Variants in CNTN6 observed in about 807,000 individuals in gnomAD.
The protein encoded by CNTN6 is contactin 6.
CNTN6 carries 137 observed loss-of-function variants against 122.8 expected under a neutral mutation model. That is an observed-to-expected ratio of 1.12 (90% CI 0.97 to 1.29). The LOEUF is 1.29. Ranked by LOEUF, CNTN6 falls within the 50% of genes most tolerant of loss-of-function variation. The pLI, the probability that CNTN6 is intolerant of heterozygous loss-of-function variation, is 0.00. For missense variants in CNTN6, 1,634 were observed against 1,223.4 expected, an observed-to-expected ratio of 1.34 and a Z score of -5.01; for synonymous variants, 570 against 426.0, an observed-to-expected ratio of 1.34 and a Z score of -4.16.
At chr3:1,195,798 A>C (rs2093768713) in intron 2 of CNTN6, among the ~76,000 whole-genome samples, 1 of 152,048 alleles carries the variant, frequency 6.6e-6, no homozygotes, top group Non-Finnish European at 1.5e-5. Flanking sequence ...TACTATTCTC[A>C]CCTTTAGTAT....
At chr3:1,301,771 T>C (rs909680713) in intron 7 of CNTN6, among the ~76,000 whole-genome samples, 1 of 152,238 alleles carries the variant, frequency 6.6e-6, no homozygotes, top group Non-Finnish European at 1.5e-5. Flanking sequence ...TCTTACATTT[T>C]GTGTAGTTGG....
chr3:1,126,702 C>T (rs1414205839), intron 1 of CNTN6, among the ~76,000 whole-genome samples: 1 of 151,844 alleles, frequency 6.6e-6, no homozygotes, highest in African/African-American at 2.4e-5. Context: ...TTCTTGGCTG[C>T]AGACACCACA....
At chr3:1,237,355 A>G (rs548638064) in intron 4 of CNTN6, among the ~76,000 whole-genome samples, 1 of 151,992 alleles carries the variant, frequency 6.6e-6, no homozygotes, top group Non-Finnish European at 1.5e-5. Context: ...TAATAATAAT[A>G]ATAATTCTTA....
At chr3:1,367,630 A>T (rs1163066434) in intron 12 of CNTN6, among the ~76,000 whole-genome samples, 1 of 152,022 alleles carries the variant, frequency 6.6e-6, no homozygotes, top group African/African-American at 2.4e-5. Context: ...CCACATGCAT[A>T]TGTGGCAGCT....
In CNTN6 at chr3:1,297,870, C is replaced by G; in HGVS notation, c.659-19C>G. 1 of 1,576,056 alleles carries G rather than the reference C, an allele frequency of 6.3e-7. No individual in the cohort carries two copies. Among genetic ancestry groups the G allele is most frequent in the African/African-American group, 1.4e-5 (1 of 73,900 alleles). On this transcript the variant is annotated intron_variant, in intron 6 of 22. Transcript: ENST00000446702. ...TTCTATTCTCCAGAAATGCTGCTAGCTCTTTTGATATTTAACAGGTGTGAT... is the reference window on the plus strand; with the variant it reads ...TTCTATTCTCCAGAAATGCTGCTAGGTCTTTTGATATTTAACAGGTGTGAT...
At chr3:1,195,914 T>G (rs1193769954) in intron 2 of CNTN6, among the ~76,000 whole-genome samples, 4 of 152,164 alleles carry the variant, frequency 2.6e-5, no homozygotes, top group African/African-American at 9.7e-5. Flanking sequence ...TTTTTTATTT[T>G]TATTTTTTCA....
At chr3:1,248,867 G>T (rs1559607744) in intron 4 of CNTN6, among the ~76,000 whole-genome samples, 3 of 151,520 alleles carry the variant, frequency 2.0e-5, no homozygotes, top group African/African-American at 7.2e-5. Context: ...AAAAAAAAAA[G>T]AATAAATAAA....
Position 1,403,515 on chromosome 3 carries a change from CTTG to C in CNTN6, c.*100_*102del, listed in dbSNP as rs1696000912. Reference sequence around the variant, plus strand: ...ACACAAGATGCGTTCTTAATACAGACTTGTTTGCAAAGAAAAAAAAAAGTATAT... The same window carrying C: ...ACACAAGATGCGTTCTTAATACAGACTTTGCAAAGAAAAAAAAAAGTATAT... On this transcript the variant is annotated 3_prime_UTR_variant, in exon 23 of 23. Coordinates refer to ENST00000446702, the MANE Select transcript of CNTN6 (RefSeq NM_001289080.2). 3 of 597,396 alleles carry C rather than the reference CTTG, an allele frequency of 5.0e-6. No individual in the cohort carries two copies. Among genetic ancestry groups the C allele is most frequent in the Non-Finnish European group, 8.5e-6 (3 of 352,686 alleles). The allele number at this position is 597,396 out of a possible 1,614,324, so 37.0% of individuals were successfully genotyped here. A position where few individuals can be genotyped will look rare whatever the true frequency, so the allele number is the denominator to read the frequency against.
rs1168546445 is a variant in CNTN6 at position 1,158,941 on chromosome 3, C to CAT, written c.55+10890_55+10891dup. 2.0e-3 allele frequency among the ~76,000 whole-genome samples: 225 copies of CAT among 112,422 alleles called. 23 individuals carry two copies. The East Asian group carries it at 0.039, about 19-fold the overall frequency. The allele number at this position is 112,422 out of a possible 152,430, so 73.8% of individuals were successfully genotyped here. A position where few individuals can be genotyped will look rare whatever the true frequency, so the allele number is the denominator to read the frequency against. The stretch of plus-strand genomic sequence containing the variant: ...ACACATATATATATATACACACACA[C>CAT]ATATATATATATACACACACACACA... On this transcript the variant is annotated intron_variant, in intron 2 of 22. Transcript: ENST00000446702.
chr3:1,346,905 C>A (rs11928188), intron 11 of CNTN6, among the ~76,000 whole-genome samples: 1 of 152,028 alleles, frequency 6.6e-6, no homozygotes, highest in Non-Finnish European at 1.5e-5. Context: ...GTAATAGGTA[C>A]AAAGTCAGGC....
chr3:1,095,492 G>A (rs6792452), intron 1 of CNTN6, among the ~76,000 whole-genome samples: 27,495 of 151,688 alleles, frequency 0.18, 6,871 homozygotes, highest in African/African-American at 0.56. Context: ...CAAACAAACA[G>A]AAAACAGAAA....
At chr3:1,353,679 A>G (rs940510491) in intron 12 of CNTN6, among the ~76,000 whole-genome samples, 14 of 151,680 alleles carry the variant, frequency 9.2e-5, no homozygotes, top group African/African-American at 3.4e-4. Flanking sequence ...AATGCTTTAT[A>G]TTTGGAAAAG....
chr3:1,245,310 A>ATGT (rs1559597873), intron 4 of CNTN6, among the ~76,000 whole-genome samples: 1 of 16,754 alleles, frequency 6.0e-5, no homozygotes, highest in African/African-American at 2.1e-4. Context: ...ATATATATAT[A>ATGT]TATATATATA....
chr3:1,332,436 A>G (rs1205135941), intron 11 of CNTN6, among the ~76,000 whole-genome samples: 1 of 151,392 alleles, frequency 6.6e-6, no homozygotes, highest in African/African-American at 2.4e-5. Context: ...GGGACTTCCA[A>G]ACAGATTGAG....
chr3:1,201,777 T>C (rs1403700937), intron 2 of CNTN6, among the ~76,000 whole-genome samples: 1 of 152,180 alleles, frequency 6.6e-6, no homozygotes, highest in Admixed American at 6.5e-5. Flanking sequence ...TTAGGGACCT[T>C]CTGAATCATA....
chr3:1,389,234 C>A (rs1026922696), intron 20 of CNTN6, among the ~76,000 whole-genome samples: 1 of 151,914 alleles, frequency 6.6e-6, no homozygotes, highest in African/African-American at 2.4e-5. Context: ...TCTCTACAAG[C>A]CAGAAGAGAG....
chr3:1,202,530 G>C (rs1002589364), intron 2 of CNTN6, among the ~76,000 whole-genome samples: 13 of 140,772 alleles, frequency 9.2e-5, no homozygotes, highest in Non-Finnish European at 1.7e-4. Context: ...GACAGAGCCA[G>C]ACTCCGTCTC....
At chr3:1,379,049 T>G (rs953444433) in intron 17 of CNTN6, among the ~76,000 whole-genome samples, 2 of 152,178 alleles carry the variant, frequency 1.3e-5, no homozygotes, top group Non-Finnish European at 2.9e-5. Flanking sequence ...AAGTTTTGCC[T>G]GACTTAATAA....
At chr3:1,126,475 C>T (rs911601273) in intron 1 of CNTN6, among the ~76,000 whole-genome samples, 6 of 151,706 alleles carry the variant, frequency 4.0e-5, no homozygotes, top group Admixed American at 1.3e-4. Flanking sequence ...CTCATTATAC[C>T]CCAGGTCACT....
Sources: allele counts gnomAD v4.1 joint callset (sites outside exome capture counted in the v4.1 genomes callset), GRCh38; gene constraint gnomAD v4.1.1; transcripts MANE v1.5; gene names NCBI Gene and HGNC (gene_info 2026-07-23, HGNC 2026-07-21).